The following ZMYM6 variants were observed in gnomAD, a reference collection of about 807,000 sequenced individuals.
The protein encoded by ZMYM6 is zinc finger MYM-type protein 6.
Under a neutral mutation model 134.0 loss-of-function variants are expected in ZMYM6, and 90 were observed. The observed-to-expected ratio is 0.67, with a 90% CI of 0.57 to 0.80. The LOEUF is 0.80. Ranked by LOEUF, ZMYM6 falls within the 30% of genes least tolerant of loss-of-function variation. ZMYM6 has a pLI of 0.00. For missense variants in ZMYM6, 1,362 were observed against 1,533.9 expected (o/e 0.89, Z 1.87); for synonymous variants, 481 against 524.1 (o/e 0.92, Z 1.12).
intron 2 of ZMYM6, among the ~76,000 whole-genome samples, chr1:35,027,244 C>T (rs1279270150): frequency 6.6e-6 from 1 of 152,112 alleles, no homozygotes; most frequent in East Asian, 1.9e-4. Context: ...AATGATGACA[C>T]TGGAGAGGGA....
chr1:35,009,156 T>A (rs1364965452), intron 10 of ZMYM6, among the ~76,000 whole-genome samples: 1 of 152,226 alleles, frequency 6.6e-6, no homozygotes, highest in African/African-American at 2.4e-5. Flanking sequence ...TGGAGTGCAG[T>A]GGCACAATCT....
chr1:35,021,793 T>C (rs1157166954), intron 2 of ZMYM6, among the ~76,000 whole-genome samples: 1 of 152,204 alleles, frequency 6.6e-6, no homozygotes, highest in African/African-American at 2.4e-5. Flanking sequence ...ATCCTATTTA[T>C]TCTTACCACA....
chr1:34,987,870 C>T lies in ZMYM6; in HGVS notation c.3212G>A (p.Arg1071His), dbSNP rs752598849. ...HVSLPLHAEV[R>H]WISRGRMLKR... ...TAACATTCTCCCTCTTGATATCCAACGTACTTCAGCATGAAGCGGTAAACT... is the reference window on the plus strand; with the variant it reads ...TAACATTCTCCCTCTTGATATCCAATGTACTTCAGCATGAAGCGGTAAACT... Residue 1071 changes from arginine to histidine, a missense_variant, in exon 16 of 16, where the codon CGT becomes CAT. By Grantham distance (29) the Arg-to-His change is conservative. This residue lies in a region of ZMYM6 where 824 missense variants were observed against 940.9 expected (regional missense o/e 0.88). Transcript: ENST00000357182. The T allele has an allele frequency of 1.3e-5, 20 of 1,551,414 alleles. 1 individual carries two copies. The highest frequency in any genetic ancestry group is 6.0e-5 in the South Asian group (5 of 83,996).
At chr1:35,029,266 T>C (rs767801337) in intron 2 of ZMYM6, among the ~76,000 whole-genome samples, 6 of 152,194 alleles carry the variant, frequency 3.9e-5, no homozygotes, top group Non-Finnish European at 7.3e-5. Context: ...TCCTACATAA[T>C]CCAGCCTTAA....
chr1:34,994,866 C>G (rs946018068), intron 14 of ZMYM6, among the ~76,000 whole-genome samples: 1 of 150,626 alleles, frequency 6.6e-6, no homozygotes, highest in Non-Finnish European at 1.5e-5. Context: ...CCAGTGGTTG[C>G]CTGAAACCAT....
intron 6 of ZMYM6, among the ~76,000 whole-genome samples, chr1:35,014,303 T>C (rs1641143113): frequency 6.6e-6 from 1 of 152,204 alleles, no homozygotes; most frequent in Non-Finnish European, 1.5e-5. Flanking sequence ...CAGAAAATCA[T>C]GAAATTACAT....
intron 14 of ZMYM6, among the ~76,000 whole-genome samples, chr1:35,000,933 G>A (rs1263045812): frequency 6.6e-6 from 1 of 152,054 alleles, no homozygotes; most frequent in Non-Finnish European, 1.5e-5. Context: ...GCCAAACTAT[G>A]GCCTGTGCAC....
At chr1:34,997,463 T>G (rs1254608002) in intron 14 of ZMYM6, among the ~76,000 whole-genome samples, 2 of 152,112 alleles carry the variant, frequency 1.3e-5, no homozygotes, top group South Asian at 4.2e-4. Context: ...TGCCAACACA[T>G]TCAGCTAATT....
intron 15 of ZMYM6, 54 bp downstream of exon 15, chr1:34,992,180 A>C: frequency 6.2e-7 from 1 of 1,610,900 alleles, no homozygotes. Flanking sequence ...AAAAAACAAA[A>C]ACAAACAAGC....
In ZMYM6 at chr1:35,012,465, T is replaced by A; in HGVS notation, c.912A>T (p.Leu304Phe). 1 of 1,606,020 alleles carries A rather than the reference T, an allele frequency of 6.2e-7. No homozygotes were observed. Among genetic ancestry groups the A allele is most frequent in the Non-Finnish European group, 8.5e-7 (1 of 1,177,464 alleles). ...TAACAGTCTTAACTCTGTAAGCAGA[T>A]AAGCAATTAATAGAGCAGAAAAGCT... ...KTELFCSINC[L>F]SAYRVKTVTS... The change falls in exon 7 of 16, where the codon TTA (leucine) becomes TTT (phenylalanine). Residue 304 changes from leucine (L) to phenylalanine (F), a missense_variant. Transcript: ENST00000357182.
In ZMYM6 at chr1:34,988,125, A is replaced by T. The variant is rs527619953; in HGVS notation, c.2957T>A (p.Met986Lys). ...TTTTAAACCAGAATACCTGCCAGTC[A>T]TGCTTGCAGCCCCATCGGTACAGAG... ...VGLCTDGAASMTGRYSGLKAK... is the reference protein window; with the variant it reads ...VGLCTDGAASKTGRYSGLKAK... Residue 986 changes from methionine to lysine, a missense_variant, in exon 16 of 16, where the codon ATG becomes AAG. Physicochemically the swap from Met to Lys is moderately conservative, Grantham distance 95. Transcript: ENST00000357182. The T allele has an allele frequency of 2.9e-5, 45 of 1,551,446 alleles. No homozygotes were observed. Among genetic ancestry groups the T allele is most frequent in the Admixed American group, 5.9e-5 (3 of 50,990 alleles).
intron 14 of ZMYM6, 43 bp from the exon 15 acceptor site, chr1:34,992,430 A>G (rs1053871419): frequency 3.8e-6 from 6 of 1,590,952 alleles, no homozygotes; most frequent in Non-Finnish European, 5.1e-6. Context: ...GATTTTTTTT[A>G]GTACCTTATC....
At chr1:35,005,746 C>T (rs1426142168) in intron 12 of ZMYM6, among the ~76,000 whole-genome samples, 2 of 151,310 alleles carry the variant, frequency 1.3e-5, no homozygotes, top group African/African-American at 2.4e-5. Flanking sequence ...CTTAACATGA[C>T]AATTTTTATA....
At position 35,005,238 on chromosome 1, in the gene ZMYM6, C is replaced by T. The variant is rs372756529; in HGVS notation, c.1848G>A (p.Glu616=). The T allele has an allele frequency of 1.2e-6, 2 of 1,614,092 alleles. No individual in the cohort carries two copies. The highest frequency in any genetic ancestry group is 1.7e-6 in the Non-Finnish European group (2 of 1,179,998). The change falls in exon 13 of 16, where the codon GAG becomes GAA. Residue 616 remains glutamate (E), a synonymous_variant. Coordinates refer to ENST00000357182, the MANE Select transcript of ZMYM6 (RefSeq NM_007167.4). The stretch of plus-strand genomic sequence containing the variant: ...TTGTATCTGTCCTTGCAGAAGGGAG[C>T]TCCGTCACAGCAGTTTTTGCTTTAG... ...NISKAKTAVT[E]LPSARTDTTP...
At chr1:35,011,803 A>G (rs546910741) in intron 8 of ZMYM6, 87 bp downstream of exon 8, 94 of 936,046 alleles carry the variant, frequency 1.0e-4, no homozygotes, top group Non-Finnish European at 1.4e-4. Context: ...TTAAACTTTC[A>G]TAAGAACAGG....
intron 6 of ZMYM6, among the ~76,000 whole-genome samples, chr1:35,014,002 CTTT>C (rs1046582778): frequency 1.3e-5 from 2 of 152,110 alleles, no homozygotes; most frequent in African/African-American, 2.4e-5. Flanking sequence ...CAAGATACTT[CTTT>C]AAGAAAAACT....
chr1:34,990,219 G>A (rs907055641), intron 15 of ZMYM6: 9 of 192,194 alleles, frequency 4.7e-5, no homozygotes, highest in African/African-American at 9.3e-5. Flanking sequence ...GGTGGCTCAC[G>A]CTTGTAATCC....
intron 14 of ZMYM6, among the ~76,000 whole-genome samples, chr1:35,000,529 G>A (rs564489503): frequency 5.9e-5 from 9 of 152,100 alleles, no homozygotes; most frequent in African/African-American, 9.6e-5. Flanking sequence ...GTGAGCCACC[G>A]CGCCTAACTG....
At chr1:34,994,654 A>G (rs1443220364) in intron 14 of ZMYM6, among the ~76,000 whole-genome samples, 1 of 152,184 alleles carries the variant, frequency 6.6e-6, no homozygotes, top group African/African-American at 2.4e-5. Context: ...AATTTAAACA[A>G]AAGTAATACA....
Sources: gnomAD v4.1 joint callset for allele counts (sites outside exome capture counted in the v4.1 genomes callset) on GRCh38, gnomAD v4.1.1 for gene constraint, gnomAD v4.1.1 regional missense constraint, MANE v1.5 for transcripts, NCBI Gene and HGNC (gene_info 2026-07-23, HGNC 2026-07-21) for gene names.